EPS8L3: variants seen among roughly 807,000 people sequenced by gnomAD.
EPS8L3 encodes epidermal growth factor receptor kinase substrate 8-like protein 3.
In EPS8L3, 80 loss-of-function variants were observed where a neutral mutation model predicts 88.5. The ratio of observed to expected loss-of-function variants is 0.90; its 90% CI spans 0.75 to 1.09. The LOEUF (loss-of-function observed/expected upper bound fraction) is 1.09. EPS8L3 is among the 50% of genes least tolerant of loss of function. The pLI is 0.00. For synonymous variants in EPS8L3, 286 were observed against 291.0 expected, an observed-to-expected ratio of 0.98 and a Z score of 0.18; for missense variants, 721 against 735.2, an observed-to-expected ratio of 0.98 and a Z score of 0.22.
rs1228034290 is a variant in EPS8L3, at chr1:109,752,772, T to C, written c.1201-52A>G. 2.0e-6 allele frequency: 3 copies of C among 1,506,488 alleles called. No homozygotes were observed. The East Asian group carries it at 7.4e-5, about 37-fold the overall frequency. 93.3% of individuals were successfully genotyped at this position (1,506,488 alleles called of 1,614,324 possible). A position where few individuals can be genotyped will look rare whatever the true frequency, so the allele number is the denominator to read the frequency against. On this transcript the variant is annotated intron_variant, in intron 13 of 18. Transcript: ENST00000361965. ...TAAGAGCAGGAGGCAGCCAGCATGGTGGGAGGGAGCTGGGGTATCCGACCA... is the reference window on the plus strand; with the variant it reads ...TAAGAGCAGGAGGCAGCCAGCATGGCGGGAGGGAGCTGGGGTATCCGACCA...
Position 109,751,486 on chromosome 1 carries a change from G to A in EPS8L3, c.1564-135C>T, listed in dbSNP as rs546094864. Reference sequence around the variant, plus strand: ...CTGTGGCTTTCTGGTCTGGCAGGGAGCTGGTCTTGTTCTCTGCTCTGGCCC... The same window carrying A: ...CTGTGGCTTTCTGGTCTGGCAGGGAACTGGTCTTGTTCTCTGCTCTGGCCC... On this transcript the variant is annotated intron_variant, in intron 16 of 18. Coordinates refer to ENST00000361965, the MANE Select transcript of EPS8L3 (RefSeq NM_133181.4). 3 of 1,352,138 alleles carry A rather than the reference G, an allele frequency of 2.2e-6. No individual in the cohort carries two copies. The East Asian group carries it at 7.0e-5, about 32-fold the overall frequency. 83.8% of individuals were successfully genotyped at this position (1,352,138 alleles called of 1,614,324 possible).
chr1:109,761,270 C>T, intron 3 of EPS8L3: 1 of 507,460 alleles, frequency 2.0e-6, no homozygotes, highest in East Asian at 3.0e-5. Flanking sequence ...GCTCAACCTC[C>T]AGCCAGGCCT....
chr1:109,752,225 G>T, intron 14 of EPS8L3, 32 bp from the exon 15 acceptor site: 1 of 1,586,468 alleles, frequency 6.3e-7, no homozygotes, highest in Non-Finnish European at 8.6e-7. Flanking sequence ...GCTGGAGAAT[G>T]GGGCCTCAGA....
rs898598406 is a variant in EPS8L3, at chr1:109,757,667, AAG to A, written c.895-114_895-113del. On this transcript the variant is annotated intron_variant, in intron 10 of 18. Coordinates refer to ENST00000361965, the MANE Select transcript of EPS8L3 (RefSeq NM_133181.4). ...AAGGCTGGCACTTCCCAAAAGTCCC[AAG>A]AGGGGAGGGGAGGTTCTAGGGGGAG... 33 of 1,402,878 alleles carry A rather than the reference AAG, an allele frequency of 2.4e-5. No individual in the cohort carries two copies. The African/African-American group carries it at 4.3e-4, about 18-fold the overall frequency. 86.9% of individuals were successfully genotyped at this position (1,402,878 alleles called of 1,614,324 possible).
intron 18 of EPS8L3, 116 bp from the exon 19 acceptor site, chr1:109,750,518 T>TGGG: frequency 6.3e-7 from 1 of 1,577,120 alleles, no homozygotes; most frequent in Non-Finnish European, 8.7e-7. Flanking sequence ...GCTAAGCCCC[T>TGGG]GGGGGAATAT....
chr1:109,757,788 G>T lies in EPS8L3; in HGVS notation c.894+14C>A. ...AAGAGGAGAGGCCTGGTGAACTTGTGGGGAGCCACCTACCAGGAGGTTGAA... is the reference window on the plus strand; with the variant it reads ...AAGAGGAGAGGCCTGGTGAACTTGTTGGGAGCCACCTACCAGGAGGTTGAA... On this transcript the variant is annotated intron_variant, in intron 10 of 18. Coordinates refer to ENST00000361965, the MANE Select transcript of EPS8L3 (RefSeq NM_133181.4). The T allele has an allele frequency of 6.2e-7, 1 of 1,612,774 alleles. No individual in the cohort carries two copies.
intron 3 of EPS8L3, among the ~76,000 whole-genome samples, chr1:109,760,506 C>T (rs7534034): frequency 0.095 from 14,504 of 151,964 alleles, 858 homozygotes; most frequent in South Asian, 0.21. Flanking sequence ...TTGACCCCAC[C>T]CCCCTGCCCA....
At position 109,759,675 on chromosome 1, in the gene EPS8L3, G is replaced by A. The variant is rs377729188; in HGVS notation, c.255+3C>T. The A allele has an allele frequency of 8.7e-5, 140 of 1,613,096 alleles. No homozygotes were observed. The highest frequency in any genetic ancestry group is 1.1e-4 in the Non-Finnish European group (130 of 1,179,842). On this transcript the variant is annotated splice_donor_region_variant and intron_variant, in intron 4 of 18. Coordinates refer to ENST00000361965, the MANE Select transcript of EPS8L3 (RefSeq NM_133181.4). The surrounding 1 kb of genome is among the most constrained non-coding windows in gnomAD (Gnocchi z 4.2). ...TATCACTGGGTTTGCTGGGAAGGCT[G>A]ACCTTGGTCTCAATGTCCAGCAGCT...
chr1:109,753,488 T>C (rs372015144), intron 12 of EPS8L3, among the ~76,000 whole-genome samples: 5 of 152,210 alleles, frequency 3.3e-5, no homozygotes, highest in East Asian at 1.9e-4. Context: ...ATTGCCCTGA[T>C]TGGGCATTTG....
Position 109,752,123 on chromosome 1 carries a change from G to T in EPS8L3, c.1306C>A (p.Pro436Thr). 1 of 1,614,146 alleles carries T rather than the reference G, an allele frequency of 6.2e-7. No individual in the cohort carries two copies. Among genetic ancestry groups the T allele is most frequent in the East Asian group, 2.2e-5 (1 of 44,872 alleles). The change falls in exon 15 of 19, where the codon CCT becomes ACT. Residue 436 changes from proline (P) to threonine (T), a missense_variant. Pro to Thr is a conservative substitution (Grantham distance 38). Transcript: ENST00000361965. ...QEKTHNHDPQ[P>T]GDPNSRPSSP... is the part of the protein sequence containing the mutation. ...GAGGGCCTGGAGTTGGGGTCCCCAGGCTGAGGGTCATGGTTGTGTGTCTTC... is the reference window on the plus strand; with the variant it reads ...GAGGGCCTGGAGTTGGGGTCCCCAGTCTGAGGGTCATGGTTGTGTGTCTTC...
intron 12 of EPS8L3, among the ~76,000 whole-genome samples, chr1:109,754,071 C>G (rs902538232): frequency 1.1e-4 from 16 of 152,204 alleles, no homozygotes; most frequent in African/African-American, 3.4e-4. Flanking sequence ...TTAATTGTTT[C>G]CTTCTGTGCC....
intron 1 of EPS8L3, among the ~76,000 whole-genome samples, chr1:109,762,238 T>C (rs1463807057): frequency 2.0e-5 from 3 of 152,220 alleles, no homozygotes; most frequent in Non-Finnish European, 4.4e-5. Flanking sequence ...AGGACGCTGA[T>C]GCTGGCTCTT....
rs763352581 is a variant in EPS8L3 at position 109,750,765 on chromosome 1, C to T, written c.1665G>A (p.Thr555=). 44 of 1,614,172 alleles carry T rather than the reference C, an allele frequency of 2.7e-5. No homozygotes were observed. The Middle Eastern group carries it at 4.9e-4, about 18-fold the overall frequency. ...TATVRTLGSL[T]GSQLLRIRPG... ...GTCTTATGCGAAGTAGCTGGCTCCC[C>T]GTCAGGGACCCAAGTGTCCTCACCG... Residue 555 remains threonine (T), a synonymous_variant, in exon 18 of 19, where the codon ACG becomes ACA. Transcript: ENST00000361965.
In EPS8L3 at chr1:109,750,174, A is replaced by C. The variant is rs187446654; in HGVS notation, c.*217T>G. ...TGCTCCAGGTTTGGGAAAGAGGTAA[A>C]ATAAATAGGTGGTTACTGGGGAGGC... On this transcript the variant is annotated 3_prime_UTR_variant, in exon 19 of 19. Transcript: ENST00000361965. The C allele has an allele frequency of 2.1e-5, 13 of 605,880 alleles. No homozygotes were observed. The highest frequency in any genetic ancestry group is 3.8e-5 in the Non-Finnish European group (13 of 341,314). The allele number at this position is 605,880 out of a possible 1,614,324, so 37.5% of individuals were successfully genotyped here.
intron 3 of EPS8L3, chr1:109,760,041 A>G (rs1650750072): frequency 1.7e-6 from 1 of 588,980 alleles, no homozygotes; most frequent in East Asian, 2.9e-5. Context: ...AGGGCCTCCA[A>G]GTCTGAGTCT....
chr1:109,757,457 C>A, intron 11 of EPS8L3, 24 bp downstream of exon 11: 1 of 1,608,074 alleles, frequency 6.2e-7, no homozygotes, highest in Non-Finnish European at 8.5e-7. Context: ...TCCGTCTTCA[C>A]CACCCTGTCG....
chr1:109,758,190 C>T, intron 8 of EPS8L3, 126 bp downstream of exon 8: 1 of 1,275,958 alleles, frequency 7.8e-7, no homozygotes, highest in Middle Eastern at 2.0e-4. Context: ...ACAAGCCTCT[C>T]TGGCCTCCTG....
chr1:109,751,977 C>G lies in EPS8L3; in HGVS notation c.1434+18G>C. On this transcript the variant is annotated intron_variant, in intron 15 of 18. Transcript: ENST00000361965. ...ACCAACCACCACCTCCTTTTCTAGC[C>G]TATGGCCCAAGCCTCACCTCCAGCT... is the stretch of plus-strand genomic sequence containing the variant. 1.9e-6 allele frequency: 3 copies of G among 1,586,424 alleles called. No homozygotes were observed. The highest frequency in any genetic ancestry group is 2.6e-6 in the Non-Finnish European group (3 of 1,165,188).
At chr1:109,758,728 A>G (rs1650569608) in intron 6 of EPS8L3, 65 bp from the exon 7 acceptor site, 3 of 1,508,462 alleles carry the variant, frequency 2.0e-6, no homozygotes, top group East Asian at 2.3e-5. Flanking sequence ...CCTCCCCACA[A>G]TTCTGCTCCA....
Sources: allele counts gnomAD v4.1 joint callset (sites outside exome capture counted in the v4.1 genomes callset), GRCh38; gene constraint gnomAD v4.1.1; non-coding constraint Gnocchi (gnomAD v3.1); transcripts MANE v1.5; gene names NCBI Gene and HGNC (gene_info 2026-07-23, HGNC 2026-07-21).